IQCM: variants seen among roughly 807,000 people sequenced by gnomAD.
IQCM encodes IQ domain-containing protein M.
A neutral mutation model predicts 57.6 loss-of-function variants in IQCM; 45 were observed. The ratio of observed to expected loss-of-function variants is 0.78; its 90% CI spans 0.62 to 1.00. IQCM has a LOEUF of 1.00. IQCM is among the 50% of genes least tolerant of loss of function. The pLI, the probability that IQCM is intolerant of heterozygous loss-of-function variation, is 0.00. For synonymous variants in IQCM, 148 were observed against 158.9 expected (o/e 0.93, Z 0.51); for missense variants, 468 against 511.6 (o/e 0.91, Z 0.82).
chr4:149,698,928 G>A (rs1281664205), intron 5 of IQCM, among the ~76,000 whole-genome samples: 3 of 151,990 alleles, frequency 2.0e-5, no homozygotes, highest in Non-Finnish European at 4.4e-5. Context: ...CATAAGGATT[G>A]TGTAAATGAT....
chr4:149,793,436 TCTGA>T (rs1772824666), intron 2 of IQCM, among the ~76,000 whole-genome samples: 2 of 152,188 alleles, frequency 1.3e-5, no homozygotes, highest in Non-Finnish European at 2.9e-5. Context: ...TGCACCAGCT[TCTGA>T]CTATCTTTAT....
chr4:149,573,828 T>C (rs1459482621), intron 9 of IQCM, among the ~76,000 whole-genome samples: 1 of 151,916 alleles, frequency 6.6e-6, no homozygotes, highest in Non-Finnish European at 1.5e-5. Context: ...ATTATTCTGA[T>C]TTTATAAATG....
At chr4:149,719,746 C>T (rs947406118) in intron 5 of IQCM, among the ~76,000 whole-genome samples, 14 of 152,328 alleles carry the variant, frequency 9.2e-5, no homozygotes, top group African/African-American at 3.4e-4. Flanking sequence ...ATCACTCAAC[C>T]CATCACTGTG....
intron 5 of IQCM, among the ~76,000 whole-genome samples, chr4:149,725,648 G>C (rs1367259556): frequency 6.6e-6 from 1 of 151,718 alleles, no homozygotes; most frequent in Non-Finnish European, 1.5e-5. Flanking sequence ...CCAACACTTT[G>C]GCCTCATGAT....
At chr4:149,411,709 A>C (rs1733392131) in intron 13 of IQCM, among the ~76,000 whole-genome samples, 1 of 152,182 alleles carries the variant, frequency 6.6e-6, no homozygotes, top group African/African-American at 2.4e-5. Context: ...AGGAAGAATA[A>C]TAAAAATGAC....
intron 7 of IQCM, among the ~76,000 whole-genome samples, chr4:149,644,781 T>C (rs987270427): frequency 6.6e-6 from 1 of 152,206 alleles, no homozygotes; most frequent in Non-Finnish European, 1.5e-5. Context: ...ACCTACTGAA[T>C]AAGAATTTCC....
intron 5 of IQCM, among the ~76,000 whole-genome samples, chr4:149,713,813 T>A (rs1250371550): frequency 6.6e-6 from 1 of 152,290 alleles, no homozygotes; most frequent in Non-Finnish European, 1.5e-5. Context: ...CATCTTCTTA[T>A]AGATACTGTT....
rs1420390705 is a variant in IQCM at position 149,471,099 on chromosome 4, G to A, written c.1229-37542C>T. 6.6e-5 allele frequency among the ~76,000 whole-genome samples: 10 copies of A among 152,108 alleles called. No homozygotes were observed. The East Asian group carries it at 1.9e-3, about 29-fold the overall frequency. On this transcript the variant is annotated intron_variant, in intron 12 of 13. Coordinates refer to ENST00000636793, the MANE Select transcript of IQCM (RefSeq NM_001363507.2). ...CAAACACATTCAAAAGCTAGCAGAA[G>A]GTAAGAAATAACTAAGATCAGAGCA...
intron 3 of IQCM, 86 bp downstream of exon 3, chr4:149,742,569 T>C (rs1767557278): frequency 2.8e-6 from 2 of 718,544 alleles, no homozygotes; most frequent in Non-Finnish European, 3.9e-6. Flanking sequence ...TGTAGTGCTC[T>C]GAGGGTCACT....
At chr4:149,479,186 A>G (rs749124074) in intron 12 of IQCM, among the ~76,000 whole-genome samples, 1 of 152,194 alleles carries the variant, frequency 6.6e-6, no homozygotes, top group Non-Finnish European at 1.5e-5. Flanking sequence ...CTTAATGACA[A>G]TGACTGGTTA....
chr4:149,511,502 T>C lies in IQCM; in HGVS notation c.1228+36953A>G, dbSNP rs527319095. Among the ~76,000 whole-genome samples, 722 of 151,660 alleles carry C rather than the reference T, an allele frequency of 4.8e-3. 3 individuals carry two copies. Among genetic ancestry groups the C allele is most frequent in the Non-Finnish European group, 8.1e-3 (551 of 67,974 alleles). ...GAGATCACACCACTGCTGTCCAGCC[T>C]GGGTGGCAGAATGAGACCCTGTCTC... is the stretch of plus-strand genomic sequence containing the variant. On this transcript the variant is annotated intron_variant, in intron 12 of 13. Transcript: ENST00000636793.
intron 7 of IQCM, among the ~76,000 whole-genome samples, chr4:149,653,833 T>C (rs1171577742): frequency 6.6e-6 from 1 of 152,158 alleles, no homozygotes; most frequent in African/African-American, 2.4e-5. Flanking sequence ...ATAATCTTGA[T>C]GCCAAGAAAC....
chr4:149,535,523 GCTCT>G (rs1560961951), intron 12 of IQCM, among the ~76,000 whole-genome samples: 1 of 151,964 alleles, frequency 6.6e-6, no homozygotes, highest in African/African-American at 2.4e-5. Flanking sequence ...CAAAAGTCCT[GCTCT>G]CTAACAGACT....
intron 12 of IQCM, among the ~76,000 whole-genome samples, chr4:149,496,333 C>A (rs1742656549): frequency 6.6e-6 from 1 of 152,052 alleles, no homozygotes; most frequent in Admixed American, 6.6e-5. Context: ...CATCTCAATC[C>A]TGAAATCTGT....
chr4:149,525,973 A>C lies in IQCM; in HGVS notation c.1228+22482T>G, dbSNP rs546758688. Among the ~76,000 whole-genome samples the C allele has an allele frequency of 2.5e-4, 38 of 152,034 alleles. No homozygotes were observed. In the South Asian group the frequency reaches 7.7e-3, roughly 31 times the overall value. ...ATAGAAGAGCTACGTATATATGAAG[A>C]GCAACTATATATCACAGAAATGTAA... On this transcript the variant is annotated intron_variant, in intron 12 of 13. Coordinates refer to ENST00000636793, the MANE Select transcript of IQCM (RefSeq NM_001363507.2).
intron 5 of IQCM, among the ~76,000 whole-genome samples, chr4:149,725,961 C>A (rs2149868655): frequency 6.6e-6 from 1 of 152,092 alleles, no homozygotes; most frequent in East Asian, 1.9e-4. Context: ...GCAGCTCTCT[C>A]AACGAATAGC....
chr4:149,543,439 A>G (rs1579429194), intron 12 of IQCM, among the ~76,000 whole-genome samples: 1 of 151,940 alleles, frequency 6.6e-6, no homozygotes, highest in African/African-American at 2.4e-5. Flanking sequence ...ATTCCCACCT[A>G]TGAGTGAGAA....
At chr4:149,454,412 A>C (rs1348983084) in intron 12 of IQCM, among the ~76,000 whole-genome samples, 1 of 151,870 alleles carries the variant, frequency 6.6e-6, no homozygotes, top group African/African-American at 2.4e-5. Context: ...GTGGGAGCTG[A>C]ACATTGAGTA....
intron 12 of IQCM, among the ~76,000 whole-genome samples, chr4:149,439,990 TC>T (rs1485399221): frequency 6.6e-6 from 1 of 151,124 alleles, no homozygotes; most frequent in Non-Finnish European, 1.5e-5. Flanking sequence ...AGAGTTTTGC[TC>T]TGTTGCCCAG....
Sources: allele counts gnomAD v4.1 joint callset (sites outside exome capture counted in the v4.1 genomes callset), GRCh38; gene constraint gnomAD v4.1.1; transcripts MANE v1.5; gene names NCBI Gene and HGNC (gene_info 2026-07-23, HGNC 2026-07-21).